The following NPAS3 variants were observed in gnomAD, a reference collection of about 807,000 sequenced individuals.
NPAS3 encodes neuronal PAS domain-containing protein 3.
Under a neutral mutation model 73.1 loss-of-function variants are expected in NPAS3, and 14 were observed. That is an observed-to-expected ratio of 0.19 (90% confidence interval 0.13 to 0.30). NPAS3 has a LOEUF of 0.30. Ranked by LOEUF, NPAS3 falls within the 10% of genes least tolerant of loss-of-function variation. The probability of loss-of-function intolerance (pLI) is 1.00; values close to 1 mark genes in which losing one functional copy is unlikely to be tolerated. For synonymous variants in NPAS3, 620 were observed against 541.5 expected (o/e 1.14, Z -2.01); for missense variants, 1,096 against 1,250.0 (o/e 0.88, Z 1.86).
chr14:33,390,611 T>G (rs763784216), intron 4 of NPAS3, among the ~76,000 whole-genome samples: 2 of 152,110 alleles, frequency 1.3e-5, no homozygotes, highest in African/African-American at 4.8e-5. Flanking sequence ...ATTTGTAGAG[T>G]GTACTGCACC....
At chr14:33,245,442 C>G (rs925437426) in intron 3 of NPAS3, among the ~76,000 whole-genome samples, 1 of 152,174 alleles carries the variant, frequency 6.6e-6, no homozygotes, top group African/African-American at 2.4e-5. Flanking sequence ...GGGTTCTGTC[C>G]TAACTTCTCT....
intron 2 of NPAS3, among the ~76,000 whole-genome samples, chr14:33,090,339 G>T (rs2042182131): frequency 6.6e-6 from 1 of 152,128 alleles, no homozygotes; most frequent in South Asian, 2.1e-4. Context: ...GAAGGCAGGG[G>T]TTGCAATCCT....
chr14:33,457,210 C>A (rs950587779), intron 4 of NPAS3, among the ~76,000 whole-genome samples: 2 of 152,204 alleles, frequency 1.3e-5, no homozygotes, highest in Non-Finnish European at 2.9e-5. Flanking sequence ...ATCCTGGATA[C>A]AAGTTCAGTA....
chr14:33,040,637 A>G (rs2040319545), intron 1 of NPAS3, among the ~76,000 whole-genome samples: 1 of 152,134 alleles, frequency 6.6e-6, no homozygotes, highest in Admixed American at 6.6e-5. Context: ...ACTTCATTTC[A>G]TGAGTTGAGT....
At chr14:33,097,452 A>G (rs762029940) in intron 2 of NPAS3, among the ~76,000 whole-genome samples, 13 of 152,206 alleles carry the variant, frequency 8.5e-5, no homozygotes, top group Admixed American at 2.0e-4. Flanking sequence ...TTTATTATTG[A>G]TGAACATTTG....
chr14:33,406,993 A>G (rs2047696217), intron 4 of NPAS3, among the ~76,000 whole-genome samples: 1 of 152,140 alleles, frequency 6.6e-6, no homozygotes, highest in Non-Finnish European at 1.5e-5. Context: ...ATATGGAACT[A>G]TTTCAACCCC....
At chr14:33,102,259 G>T (rs1037178652) in intron 2 of NPAS3, among the ~76,000 whole-genome samples, 33 of 152,146 alleles carry the variant, frequency 2.2e-4, no homozygotes, top group African/African-American at 8.0e-4. Flanking sequence ...GAGTACACAA[G>T]TAAGGATTGA....
intron 1 of NPAS3, among the ~76,000 whole-genome samples, chr14:33,010,253 C>T (rs2039144147): frequency 6.6e-6 from 1 of 152,182 alleles, no homozygotes; most frequent in Admixed American, 6.5e-5. Context: ...TGGAGAACGT[C>T]CCTACAGATG....
intron 1 of NPAS3, among the ~76,000 whole-genome samples, chr14:32,966,189 A>G (rs1199246927): frequency 6.6e-6 from 1 of 152,222 alleles, no homozygotes; most frequent in Non-Finnish European, 1.5e-5. Flanking sequence ...TTATAGAAAT[A>G]GAAAAAGCAA....
At chr14:33,255,567 C>A (rs750710270) in intron 3 of NPAS3, among the ~76,000 whole-genome samples, 1 of 152,044 alleles carries the variant, frequency 6.6e-6, no homozygotes, top group Non-Finnish European at 1.5e-5. Context: ...CTATTAGTTT[C>A]TTTCTTCTCC....
In NPAS3 at chr14:33,784,153, T is replaced by G. The variant is rs771341343; in HGVS notation, c.1153+5581T>G. Among the ~76,000 whole-genome samples the G allele has an allele frequency of 3.9e-5, 6 of 152,202 alleles. 1 individual carries two copies. In the South Asian group the frequency reaches 8.3e-4, roughly 21 times the overall value. ...ATCCAACCTAGTAAGCAAAAGATCT[T>G]ACCGTTTTTTTCCCTTGGGCGAATA... On this transcript the variant is annotated intron_variant, in intron 9 of 11. Transcript: ENST00000356141.
chr14:33,287,350 T>C (rs1190803245), intron 3 of NPAS3, among the ~76,000 whole-genome samples: 1 of 152,174 alleles, frequency 6.6e-6, no homozygotes, highest in African/African-American at 2.4e-5. Context: ...CGGATTAGTC[T>C]ACAGACTTTT....
At chr14:33,263,636 G>C (rs902448708) in intron 3 of NPAS3, among the ~76,000 whole-genome samples, 1 of 152,002 alleles carries the variant, frequency 6.6e-6, no homozygotes, top group Non-Finnish European at 1.5e-5. Flanking sequence ...CTTTAAAGTA[G>C]TTTTTTTCCA....
intron 3 of NPAS3, among the ~76,000 whole-genome samples, chr14:33,327,367 C>T (rs1158264987): frequency 4.6e-5 from 7 of 152,242 alleles, no homozygotes; most frequent in South Asian, 4.1e-4. Context: ...GCATTCTATA[C>T]GAGGAAACTG....
At chr14:32,998,883 C>T (rs867004811) in intron 1 of NPAS3, among the ~76,000 whole-genome samples, 31 of 152,154 alleles carry the variant, frequency 2.0e-4, no homozygotes, top group African/African-American at 7.0e-4. Context: ...GGCCTCCTCC[C>T]GTTGCTCACC....
chr14:33,544,725 T>TC (rs1412843758), intron 4 of NPAS3, among the ~76,000 whole-genome samples: 1 of 52,924 alleles, frequency 1.9e-5, no homozygotes, highest in African/African-American at 1.3e-4. Context: ...ATCTGTGGTA[T>TC]TTTTTTATGG....
intron 4 of NPAS3, among the ~76,000 whole-genome samples, chr14:33,409,913 T>G (rs2047844904): frequency 6.6e-6 from 1 of 152,108 alleles, no homozygotes; most frequent in Non-Finnish European, 1.5e-5. Flanking sequence ...GCTAAAACAT[T>G]GGAGATATTA....
chr14:33,550,702 G>C (rs1485821583), intron 4 of NPAS3, among the ~76,000 whole-genome samples: 1 of 152,206 alleles, frequency 6.6e-6, no homozygotes, highest in Non-Finnish European at 1.5e-5. Flanking sequence ...TTTATCCACA[G>C]ATCATTCAGG....
chr14:33,046,042 C>T (rs984020058), intron 1 of NPAS3, among the ~76,000 whole-genome samples: 2 of 151,920 alleles, frequency 1.3e-5, no homozygotes, highest in African/African-American at 2.4e-5. Flanking sequence ...AACAAAACAA[C>T]AAGAAGATTT....
Sources: gnomAD v4.1 joint callset for allele counts (sites outside exome capture counted in the v4.1 genomes callset) on GRCh38, gnomAD v4.1.1 for gene constraint, MANE v1.5 for transcripts, NCBI Gene and HGNC (gene_info 2026-07-23, HGNC 2026-07-21) for gene names.